ZFYVE28: variants seen among roughly 807,000 people sequenced by gnomAD.
ZFYVE28 encodes the protein zinc finger FYVE-type containing 28.
A neutral mutation model predicts 82.1 loss-of-function variants in ZFYVE28; 40 were observed. That is an observed-to-expected ratio of 0.49 (90% CI 0.38 to 0.63). ZFYVE28 has a LOEUF of 0.63. Ranked by LOEUF, ZFYVE28 falls within the 30% of genes least tolerant of loss-of-function variation. The probability of loss-of-function intolerance (pLI) is 0.00; values close to 1 mark genes in which losing one functional copy is unlikely to be tolerated. For synonymous variants in ZFYVE28, 612 were observed against 546.1 expected (o/e 1.12, Z -1.68); for missense variants, 1,321 against 1,242.1 (o/e 1.06, Z -0.96).
At chr4:2,410,340 C>T (rs1306629232) in intron 1 of ZFYVE28, among the ~76,000 whole-genome samples, 1 of 151,962 alleles carries the variant, frequency 6.6e-6, no homozygotes, top group African/African-American at 2.4e-5. Context: ...CTCTTCTGGA[C>T]ATTTCATAGA....
At chr4:2,392,192 C>T (rs950329457) in intron 1 of ZFYVE28, among the ~76,000 whole-genome samples, 2 of 151,742 alleles carry the variant, frequency 1.3e-5, no homozygotes, top group Non-Finnish European at 2.9e-5. Context: ...TTTTATGTTA[C>T]CTGAATTCCA....
chr4:2,367,549 A>G (rs1727019127), intron 1 of ZFYVE28, among the ~76,000 whole-genome samples: 1 of 152,248 alleles, frequency 6.6e-6, no homozygotes, highest in South Asian at 2.1e-4. Context: ...CTCCTTCAAA[A>G]ATGATTTGAG....
At chr4:2,282,560 T>A (rs901203233) in intron 8 of ZFYVE28, among the ~76,000 whole-genome samples, 1 of 152,234 alleles carries the variant, frequency 6.6e-6, no homozygotes, top group Non-Finnish European at 1.5e-5. Context: ...ACTGAACTTA[T>A]AATTTTAATT....
intron 1 of ZFYVE28, chr4:2,364,458 G>A: frequency 2.0e-6 from 2 of 985,492 alleles, no homozygotes; most frequent in Non-Finnish European, 2.4e-6. Flanking sequence ...GCAGCTTTAC[G>A]TTCAATTCAC....
At chr4:2,375,729 G>T (rs1418503526) in intron 1 of ZFYVE28, among the ~76,000 whole-genome samples, 2 of 152,182 alleles carry the variant, frequency 1.3e-5, no homozygotes, top group Admixed American at 1.3e-4. Flanking sequence ...CCACACACAA[G>T]GGGCATCCCA....
Position 2,347,269 on chromosome 4 carries a change from T to C in ZFYVE28, c.181-5654A>G, listed in dbSNP as rs1028903745. On this transcript the variant is annotated intron_variant, in intron 2 of 12. Transcript: ENST00000290974. Reference sequence around the variant, plus strand: ...ACATTTATCAACCTAACAATAGACCTTCAAGCGGCATGAAGTAAGACGACA... The same window carrying C: ...ACATTTATCAACCTAACAATAGACCCTCAAGCGGCATGAAGTAAGACGACA... 1.2e-4 allele frequency among the ~76,000 whole-genome samples: 18 copies of C among 152,216 alleles called. 1 individual carries two copies. The highest frequency in any genetic ancestry group is 2.6e-4 in the Admixed American group (4 of 15,280).
rs369966948 is a variant in ZFYVE28 at position 2,284,909 on chromosome 4, G to A, written c.2052-10693C>T. 9.2e-5 allele frequency among the ~76,000 whole-genome samples: 14 copies of A among 152,322 alleles called. No individual in the cohort carries two copies. In the East Asian group the frequency reaches 9.6e-4, roughly 10 times the overall value. On this transcript the variant is annotated intron_variant, in intron 8 of 12. Coordinates refer to ENST00000290974, the MANE Select transcript of ZFYVE28 (RefSeq NM_020972.3). ...TACGGCAAGGATTTAGCAGGGAGGC[G>A]CGAGTGTGCTGTTTGGGGTTGAATT...
intron 10 of ZFYVE28, among the ~76,000 whole-genome samples, chr4:2,272,644 T>C (rs745745601): frequency 1.2e-4 from 18 of 152,332 alleles, no homozygotes; most frequent in South Asian, 6.2e-4. Context: ...GCATGTGTGA[T>C]ACCTCAGCAG....
At chr4:2,365,240 G>A (rs1726737223) in intron 1 of ZFYVE28, among the ~76,000 whole-genome samples, 1 of 152,050 alleles carries the variant, frequency 6.6e-6, no homozygotes, top group Admixed American at 6.5e-5. Context: ...CGAGAGCGCA[G>A]TGCGCGGAGG....
chr4:2,274,554 A>G (rs370806675), intron 8 of ZFYVE28, among the ~76,000 whole-genome samples: 9 of 152,032 alleles, frequency 5.9e-5, no homozygotes, highest in African/African-American at 1.9e-4. Flanking sequence ...GGAAGCGTCA[A>G]CTCACCTTTC....
rs1733311801 is a variant in ZFYVE28 at position 2,418,104 on chromosome 4, C to T, written c.39+181G>A. 6.6e-6 allele frequency among the ~76,000 whole-genome samples: 1 copy of T among 151,970 alleles called. No homozygotes were observed. Among genetic ancestry groups the T allele is most frequent in the Admixed American group, 6.5e-5 (1 of 15,270 alleles). ...AGCCGGGAGGGAGGTTCGGATCCGC[C>T]TCAGAGACAGGGCGATGAAGATCTG... On this transcript the variant is annotated intron_variant, in intron 1 of 12. Transcript: ENST00000290974. The surrounding 1 kb of genome is among the most constrained non-coding windows in gnomAD (Gnocchi z 4.6).
chr4:2,302,747 G>A (rs954114800), intron 8 of ZFYVE28, among the ~76,000 whole-genome samples: 5 of 152,190 alleles, frequency 3.3e-5, no homozygotes, highest in East Asian at 1.9e-4. Context: ...AATGAAAGAC[G>A]GTCTCCCCAT....
At chr4:2,411,825 C>A (rs1732549894) in intron 1 of ZFYVE28, among the ~76,000 whole-genome samples, 1 of 152,252 alleles carries the variant, frequency 6.6e-6, no homozygotes. Flanking sequence ...CCAGCCCCTT[C>A]CCCGCTGCCA....
chr4:2,349,373 G>C (rs922741108), intron 2 of ZFYVE28, among the ~76,000 whole-genome samples: 5 of 120,990 alleles, frequency 4.1e-5, no homozygotes, highest in South Asian at 6.8e-4. Context: ...GTTGTGGGGT[G>C]GGGGGAGGGG....
At position 2,332,494 on chromosome 4, in the gene ZFYVE28, T is replaced by G. The variant is rs1279054249; in HGVS notation, c.701+3211A>C. Among the ~76,000 whole-genome samples, 4 of 152,186 alleles carry G rather than the reference T, an allele frequency of 2.6e-5. No homozygotes were observed. The highest frequency in any genetic ancestry group is 5.9e-5 in the Non-Finnish European group (4 of 68,004). ...TGTCCACCCCATGGGGTCCCTGCAC[T>G]GAGTCCCCCTTCCAGCATCCAGAAC... On this transcript the variant is annotated intron_variant, in intron 6 of 12. Coordinates refer to ENST00000290974, the MANE Select transcript of ZFYVE28 (RefSeq NM_020972.3). The surrounding 1 kb of genome is among the most constrained non-coding windows in gnomAD (Gnocchi z 4.7).
chr4:2,404,297 G>C (rs531723635), intron 1 of ZFYVE28, among the ~76,000 whole-genome samples: 2 of 38,950 alleles, frequency 5.1e-5, no homozygotes, highest in South Asian at 8.5e-4. Flanking sequence ...AGGACGGAGC[G>C]AGACTCCGCC....
intron 2 of ZFYVE28, among the ~76,000 whole-genome samples, chr4:2,352,420 G>C (rs548322772): frequency 7.9e-5 from 12 of 152,108 alleles, no homozygotes; most frequent in African/African-American, 2.7e-4. Flanking sequence ...GGGAGGAAGA[G>C]GGGGAGGCGT....
chr4:2,369,057 C>T (rs1727213221), intron 1 of ZFYVE28, among the ~76,000 whole-genome samples: 1 of 152,206 alleles, frequency 6.6e-6, no homozygotes, highest in Admixed American at 6.5e-5. Flanking sequence ...CTCTCATTTT[C>T]CCAATGGCTG....
rs1733101001 is a variant in ZFYVE28, at chr4:2,416,844, G to A, written c.39+1441C>T. Among the ~76,000 whole-genome samples the A allele has an allele frequency of 6.6e-6, 1 of 151,998 alleles. No homozygotes were observed. The highest frequency in any genetic ancestry group is 1.9e-4 in the East Asian group (1 of 5,178). Reference sequence around the variant, plus strand: ...CAATCAAGCCAAGGCCGAGCAAGGGGCGCCCCATGTACCGTAAGCCCTCAA... The same window carrying A: ...CAATCAAGCCAAGGCCGAGCAAGGGACGCCCCATGTACCGTAAGCCCTCAA... On this transcript the variant is annotated intron_variant, in intron 1 of 12. Coordinates refer to ENST00000290974, the MANE Select transcript of ZFYVE28 (RefSeq NM_020972.3). The surrounding 1 kb of genome is among the most constrained non-coding windows in gnomAD (Gnocchi z 4.6).
Sources: allele counts gnomAD v4.1 joint callset (sites outside exome capture counted in the v4.1 genomes callset), GRCh38; gene constraint gnomAD v4.1.1; non-coding constraint Gnocchi (gnomAD v3.1); transcripts MANE v1.5; gene names NCBI Gene and HGNC (gene_info 2026-07-23, HGNC 2026-07-21).